GRIK1: variants seen among roughly 807,000 people sequenced by gnomAD.
GRIK1 encodes glutamate receptor ionotropic, kainate 1.
In GRIK1, 69 loss-of-function variants were observed where a neutral mutation model predicts 105.7. The ratio of observed to expected loss-of-function variants is 0.65; its 90% confidence interval spans 0.54 to 0.80. The LOEUF is 0.80. Ranked by LOEUF, GRIK1 falls within the 30% of genes least tolerant of loss-of-function variation. GRIK1 has a pLI of 0.00. For missense variants in GRIK1, 1,109 were observed against 1,167.3 expected (o/e 0.95, Z 0.73); for synonymous variants, 438 against 431.3 (o/e 1.02, Z -0.19).
intron 1 of GRIK1, among the ~76,000 whole-genome samples, chr21:29,714,187 G>T (rs536784727): frequency 1.3e-5 from 2 of 149,722 alleles, no homozygotes; most frequent in Admixed American, 6.7e-5. Flanking sequence ...ATATTTTGTG[G>T]TTTTTTTTTC....
Position 29,928,287 on chromosome 21 carries a change from G to C in GRIK1, c.118+11096C>G, listed in dbSNP as rs76470415. ...TTCGTTGCTGCTTTAATTTTTAAAAGCATTGCTTTAAATACCACAGCAGTA... is the reference window on the plus strand; with the variant it reads ...TTCGTTGCTGCTTTAATTTTTAAAACCATTGCTTTAAATACCACAGCAGTA... On this transcript the variant is annotated intron_variant, in intron 1 of 17. Coordinates refer to ENST00000327783, the MANE Select transcript of GRIK1 (RefSeq NM_001330994.2). 3.6e-3 allele frequency among the ~76,000 whole-genome samples: 554 copies of C among 152,288 alleles called. 5 individuals are homozygous for C. Among genetic ancestry groups the C allele is most frequent in the African/African-American group, 0.013 (533 of 41,574 alleles).
chr21:29,637,241 T>G (rs1487654658), intron 7 of GRIK1, among the ~76,000 whole-genome samples: 1 of 152,238 alleles, frequency 6.6e-6, no homozygotes, highest in East Asian at 1.9e-4. Context: ...CTCTGTTCAC[T>G]GTTCTTCCCA....
Position 29,939,357 on chromosome 21 carries a change from G to A in GRIK1, c.118+26C>T, listed in dbSNP as rs559546268. 528 of 1,329,254 alleles carry A rather than the reference G, an allele frequency of 4.0e-4. 3 individuals carry two copies. The South Asian group carries it at 6.1e-3, about 15-fold the overall frequency. The allele number at this position is 1,329,254 out of a possible 1,614,324, so 82.3% of individuals were successfully genotyped here. A position where few individuals can be genotyped will look rare whatever the true frequency, so the allele number is the denominator to read the frequency against. ...GGTGCGGCGACCGACCACGTCTCCC[G>A]AGCAGGCAGCCTGGGGCTCACTCAC... On this transcript the variant is annotated intron_variant, in intron 1 of 17. Transcript: ENST00000327783.
intron 1 of GRIK1, among the ~76,000 whole-genome samples, chr21:29,717,875 C>A (rs1037313497): frequency 6.6e-6 from 1 of 152,118 alleles, no homozygotes; most frequent in Non-Finnish European, 1.5e-5. Context: ...CCACTCAAAT[C>A]TCATCTCGAA....
intron 1 of GRIK1, among the ~76,000 whole-genome samples, chr21:29,804,270 T>A (rs1353908085): frequency 6.6e-6 from 1 of 152,110 alleles, no homozygotes; most frequent in Non-Finnish European, 1.5e-5. Flanking sequence ...TAAGCCAAAT[T>A]TTCATCAGAG....
chr21:29,672,795 T>C (rs2063183690), intron 4 of GRIK1, among the ~76,000 whole-genome samples, 188 bp downstream of exon 4: 1 of 152,220 alleles, frequency 6.6e-6, no homozygotes, highest in Admixed American at 6.5e-5. Context: ...ACATTATGGC[T>C]TCAATGAAGC....
chr21:29,879,160 A>C (rs1230544083), intron 1 of GRIK1, among the ~76,000 whole-genome samples: 1 of 152,126 alleles, frequency 6.6e-6, no homozygotes, highest in Non-Finnish European at 1.5e-5. Context: ...AGAAGGAACA[A>C]CTTTCAGTAG....
At chr21:29,658,936 A>T (rs2062907776) in intron 4 of GRIK1, among the ~76,000 whole-genome samples, 1 of 152,198 alleles carries the variant, frequency 6.6e-6, no homozygotes, top group South Asian at 2.1e-4. Context: ...TTTTTGAATA[A>T]ATACATTTTT....
At chr21:29,628,095 G>A (rs16984549) in intron 7 of GRIK1, among the ~76,000 whole-genome samples, 38,779 of 152,020 alleles carry the variant, frequency 0.26, 7,086 homozygotes, top group African/African-American at 0.52. Flanking sequence ...ACAGAGTACT[G>A]TACAATGACA....
intron 1 of GRIK1, among the ~76,000 whole-genome samples, chr21:29,924,794 G>T (rs2146336749): frequency 6.6e-6 from 1 of 152,154 alleles, no homozygotes; most frequent in South Asian, 2.1e-4. Flanking sequence ...ATTTAACAAG[G>T]TACCTTATTT....
chr21:29,664,682 C>T (rs559186472), intron 4 of GRIK1, among the ~76,000 whole-genome samples: 3 of 152,102 alleles, frequency 2.0e-5, no homozygotes, highest in Non-Finnish European at 4.4e-5. Flanking sequence ...TAGGATTACC[C>T]TTATAGCAGA....
At chr21:29,827,539 G>T (rs1400058230) in intron 1 of GRIK1, among the ~76,000 whole-genome samples, 1 of 152,000 alleles carries the variant, frequency 6.6e-6, no homozygotes, top group Non-Finnish European at 1.5e-5. Context: ...GACATCTCAG[G>T]TTTCCCCAAA....
chr21:29,560,568 C>CTTT (rs1327755935), intron 15 of GRIK1, among the ~76,000 whole-genome samples: 1 of 104,680 alleles, frequency 9.6e-6, no homozygotes, highest in Non-Finnish European at 1.9e-5. Flanking sequence ...TTCTTTCTTT[C>CTTT]TTTCTTTCTC....
intron 14 of GRIK1, among the ~76,000 whole-genome samples, chr21:29,576,631 GATTA>G (rs999057172): frequency 4.6e-5 from 7 of 152,026 alleles, no homozygotes; most frequent in African/African-American, 1.7e-4. Context: ...ATAAATGAGT[GATTA>G]ATTAATGAGT....
intron 1 of GRIK1, among the ~76,000 whole-genome samples, chr21:29,869,458 T>C (rs1246759842): frequency 1.3e-5 from 2 of 152,200 alleles, no homozygotes; most frequent in African/African-American, 4.8e-5. Context: ...TCTGGAATAA[T>C]GAAATAGGAA....
chr21:29,665,776 T>C (rs1157090330), intron 4 of GRIK1, among the ~76,000 whole-genome samples: 2 of 152,236 alleles, frequency 1.3e-5, no homozygotes, highest in Non-Finnish European at 2.9e-5. Flanking sequence ...GTTTACAGGA[T>C]GTGAGCAACA....
At chr21:29,716,509 T>C (rs2064181593) in intron 1 of GRIK1, among the ~76,000 whole-genome samples, 1 of 152,142 alleles carries the variant, frequency 6.6e-6, no homozygotes, top group Non-Finnish European at 1.5e-5. Flanking sequence ...CTGATAGTAA[T>C]GTGGGCAATG....
intron 3 of GRIK1, among the ~76,000 whole-genome samples, chr21:29,685,173 T>A (rs954224006): frequency 7.2e-5 from 11 of 152,202 alleles, no homozygotes; most frequent in Non-Finnish European, 1.2e-4. Flanking sequence ...CAATCTTTTT[T>A]AAAAAACTAT....
intron 16 of GRIK1, among the ~76,000 whole-genome samples, chr21:29,541,686 C>T (rs955806837): frequency 3.6e-5 from 5 of 140,806 alleles, no homozygotes; most frequent in South Asian, 2.5e-4. Flanking sequence ...GTTGCTTATA[C>T]TAGTGTTTTA....
Sources: allele counts gnomAD v4.1 joint callset (sites outside exome capture counted in the v4.1 genomes callset), GRCh38; gene constraint gnomAD v4.1.1; transcripts MANE v1.5; gene names NCBI Gene and HGNC (gene_info 2026-07-23, HGNC 2026-07-21).